The following CR1 variants were observed in gnomAD, a reference collection of about 807,000 sequenced individuals.
The protein encoded by CR1 is complement receptor type 1.
In CR1, 116 loss-of-function variants were observed where a neutral mutation model predicts 187.3. That is an observed-to-expected ratio of 0.62 (90% CI 0.53 to 0.72). CR1 has a LOEUF of 0.72. Ranked by LOEUF, CR1 falls within the 30% of genes least tolerant of loss-of-function variation. The pLI is 0.00. For synonymous variants in CR1, 576 were observed against 747.1 expected (o/e 0.77, Z 3.73); for missense variants, 1,731 against 2,110.7 (o/e 0.82, Z 3.52).
In CR1 at chr1:207,621,985, C is replaced by A; in HGVS notation, c.7265C>A (p.Ala2422Asp). The stretch of plus-strand genomic sequence containing the variant: ...GTCTTCCTTTTAGGTACACATGATG[C>A]TCTCATAGTTGGTAAGTTTTATGAA... ...LAKCTSRTHD[A>D]LIVGTLSGTI... is the part of the protein sequence containing the mutation. The change falls in exon 44 of 47, where the codon GCT (alanine) becomes GAT (aspartate). Residue 2422 changes from alanine to aspartate, a missense_variant. Physicochemically the swap from Ala to Asp is moderately radical, Grantham distance 126 (BLOSUM62 -2). This residue lies in a region of CR1 where 1,312 missense variants were observed against 1,379.6 expected (regional missense o/e 0.95). Transcript: ENST00000367049. 6.3e-7 allele frequency: 1 copy of A among 1,597,506 alleles called. No individual in the cohort carries two copies. The highest frequency in any genetic ancestry group is 1.3e-5 in the African/African-American group (1 of 74,830).
In CR1 at chr1:207,526,806, G is replaced by A. The variant is rs761207372; in HGVS notation, c.940G>A (p.Asp314Asn). 6.0e-6 allele frequency: 9 copies of A among 1,499,264 alleles called. 1 individual carries two copies. The highest frequency in any genetic ancestry group is 8.0e-6 in the Non-Finnish European group (9 of 1,131,066). 92.9% of individuals were successfully genotyped at this position (1,499,264 alleles called of 1,614,324 possible). A position where few individuals can be genotyped will look rare whatever the true frequency, so the allele number is the denominator to read the frequency against. ...LHAERTQRDKDNFSPGQEVFY... is the reference protein window; with the variant it reads ...LHAERTQRDKNNFSPGQEVFY... ...TGCTGAGCGTACCCAAAGGGACAAGGACAACTTTTCACCTGGGCAGGAAGT... is the reference window on the plus strand; with the variant it reads ...TGCTGAGCGTACCCAAAGGGACAAGAACAACTTTTCACCTGGGCAGGAAGT... The change falls in exon 6 of 47, where the codon GAC (aspartate) becomes AAC (asparagine). Residue 314 changes from aspartate to asparagine, a missense_variant. Transcript: ENST00000367049.
chr1:207,521,069 G>A (rs1404526309), intron 4 of CR1, among the ~76,000 whole-genome samples: 4 of 147,088 alleles, frequency 2.7e-5, no homozygotes, highest in South Asian at 2.2e-4. Context: ...CTCCGCCTCC[G>A]GGGTTCAAGT....
chr1:207,595,629 A>G (rs114144376), intron 35 of CR1, among the ~76,000 whole-genome samples: 2 of 151,936 alleles, frequency 1.3e-5, no homozygotes, highest in Non-Finnish European at 2.9e-5. Context: ...GCACAGATGC[A>G]TCGTCTTAAA....
chr1:207,524,094 G>A, intron 5 of CR1, 85 bp downstream of exon 5: 1 of 1,610,970 alleles, frequency 6.2e-7, no homozygotes, highest in Non-Finnish European at 8.5e-7. Flanking sequence ...TCAGGGGGAG[G>A]GATGTGTGCT....
chr1:207,583,775 A>C (rs1661029615), intron 32 of CR1, among the ~76,000 whole-genome samples: 1 of 152,238 alleles, frequency 6.6e-6, no homozygotes, highest in African/African-American at 2.4e-5. Flanking sequence ...ATAGTTAAGA[A>C]GTATGAAAGA....
intron 28 of CR1, among the ~76,000 whole-genome samples, chr1:207,576,210 T>A (rs1401032933): frequency 2.0e-5 from 3 of 152,204 alleles, no homozygotes; most frequent in Admixed American, 6.5e-5. Context: ...ATGTGTATAA[T>A]CCTGGGTTTA....
chr1:207,567,582 G>A (rs185077956), intron 24 of CR1, among the ~76,000 whole-genome samples: 2 of 150,370 alleles, frequency 1.3e-5, no homozygotes, highest in Admixed American at 6.6e-5. Context: ...CTTCATTAAA[G>A]TTGTAAAGTT....
chr1:207,577,887 G>T lies in CR1; in HGVS notation c.4620G>T (p.Val1540=), dbSNP rs530118972. Residue 1540 remains valine (V), a synonymous_variant, in exon 29 of 47, where the codon GTG becomes GTT. Transcript: ENST00000367049. ...GAGAGAATTTTCACTATGGATCAGT[G>T]GTGACCTACCGCTGCAATCTTGGAA... ...TNRENFHYGS[V]VTYRCNLGSR... 2 of 1,613,538 alleles carry T rather than the reference G, an allele frequency of 1.2e-6. No individual in the cohort carries two copies. Among genetic ancestry groups the T allele is most frequent in the East Asian group, 2.2e-5 (1 of 44,886 alleles).
At position 207,632,797 on chromosome 1, in the gene CR1, C is replaced by CAAAAAAAAAAAAAA. The variant is rs55649027; in HGVS notation, c.7457+2191_7457+2204dup. 1.9e-4 allele frequency among the ~76,000 whole-genome samples: 20 copies of CAAAAAAAAAAAAAA among 107,638 alleles called. 1 individual carries two copies. Among genetic ancestry groups the CAAAAAAAAAAAAAA allele is most frequent in the African/African-American group, 7.5e-4 (17 of 22,608 alleles). The allele number at this position is 107,638 out of a possible 152,430, so 70.6% of individuals were successfully genotyped here. On this transcript the variant is annotated intron_variant, in intron 46 of 46. Coordinates refer to ENST00000367049, the MANE Select transcript of CR1 (RefSeq NM_000651.6). Reference sequence around the variant, plus strand: ...TGGGTGACAGAGCAAGACTCCGTCTCAAAAAAAAAAAAAAAAAAAAAAAAA... The same window carrying CAAAAAAAAAAAAAA: ...TGGGTGACAGAGCAAGACTCCGTCTCAAAAAAAAAAAAAAAAAAAAAAAAAAAAAAAAAAAAAAA...
At chr1:207,512,746 T>C (rs1289424621) in intron 4 of CR1, among the ~76,000 whole-genome samples, 1 of 152,186 alleles carries the variant, frequency 6.6e-6, no homozygotes, top group Non-Finnish European at 1.5e-5. Flanking sequence ...TTGAAATCTG[T>C]AATAAACATG....
At position 207,583,244 on chromosome 1, in the gene CR1, A is replaced by G. The variant is rs72737293; in HGVS notation, c.5302+1241A>G. ...ATTATTTTAAGGGATTAGACTAATC[A>G]ACTGTGTCAAATTCTATAGAGAGGT... is the stretch of plus-strand genomic sequence containing the variant. On this transcript the variant is annotated intron_variant, in intron 32 of 46. Coordinates refer to ENST00000367049, the MANE Select transcript of CR1 (RefSeq NM_000651.6). Among the ~76,000 whole-genome samples the G allele has an allele frequency of 1.5e-3, 236 of 152,354 alleles. 1 individual carries two copies. Among genetic ancestry groups the G allele is most frequent in the Admixed American group, 2.5e-3 (38 of 15,302 alleles).
At chr1:207,604,702 G>A (rs551905540) in intron 35 of CR1, among the ~76,000 whole-genome samples, 5 of 152,260 alleles carry the variant, frequency 3.3e-5, no homozygotes, top group African/African-American at 1.2e-4. Flanking sequence ...CATTTTAAAT[G>A]CATTTTAACA....
intron 46 of CR1, among the ~76,000 whole-genome samples, chr1:207,631,409 A>G (rs1272129102): frequency 1.3e-5 from 2 of 152,178 alleles, no homozygotes; most frequent in African/African-American, 2.4e-5. Context: ...CTTTTATACT[A>G]CAACAGCAGA....
At chr1:207,632,195 C>G (rs1428034852) in intron 46 of CR1, among the ~76,000 whole-genome samples, 1 of 152,124 alleles carries the variant, frequency 6.6e-6, no homozygotes, top group Non-Finnish European at 1.5e-5. Context: ...TTTATGAAAA[C>G]AAATGAAATA....
chr1:207,503,547 AC>A (rs1334005493), intron 1 of CR1, among the ~76,000 whole-genome samples: 1 of 151,808 alleles, frequency 6.6e-6, no homozygotes, highest in Non-Finnish European at 1.5e-5. Context: ...TCCTTCCTCT[AC>A]CTTCCAAACC....
chr1:207,580,304 A>T lies in CR1; in HGVS notation c.5001A>T (p.Ser1667=). The part of the protein sequence containing the change: ...EHTPSHQDNF[S]PGQEVFYSCE... ...CCCCAAGCCATCAGGACAACTTTTC[A>T]CCTGGGCAGGAAGTGTTCTACAGCT... is the stretch of plus-strand genomic sequence containing the variant. Residue 1667 remains serine (S), a synonymous_variant, in exon 30 of 47, where the codon TCA becomes TCT. Transcript: ENST00000367049. The T allele has an allele frequency of 1.2e-6, 2 of 1,613,740 alleles. No homozygotes were observed. Among genetic ancestry groups the T allele is most frequent in the Non-Finnish European group, 1.7e-6 (2 of 1,179,824 alleles).
intron 28 of CR1, 140 bp from the exon 29 acceptor site, chr1:207,577,665 G>A (rs1660794923): frequency 7.5e-7 from 1 of 1,329,690 alleles, no homozygotes; most frequent in Admixed American, 2.1e-5. Flanking sequence ...AGCTACTCGG[G>A]AGGTTGAGGT....
rs780442691 is a variant in CR1 at position 207,611,800 on chromosome 1, C to G, written c.6419C>G (p.Ser2140Cys). 84 of 1,613,910 alleles carry G rather than the reference C, an allele frequency of 5.2e-5. No individual in the cohort carries two copies. The highest frequency in any genetic ancestry group is 6.7e-5 in the Non-Finnish European group (79 of 1,179,916). The change falls in exon 38 of 47, where the codon TCT becomes TGT. Residue 2140 changes from serine (S) to cysteine (C), a missense_variant. Ser to Cys is a moderately radical substitution (Grantham distance 112). Transcript: ENST00000367049. Reference sequence around the variant, plus strand: ...AGCTATGACCTCAGAGGGGCTGCGTCTCTGCACTGCACGCCCCAGGGAGAC... The same window carrying G: ...AGCTATGACCTCAGAGGGGCTGCGTGTCTGCACTGCACGCCCCAGGGAGAC... Reference protein sequence around the residue: ...EPSYDLRGAASLHCTPQGDWS... With the variant: ...EPSYDLRGAACLHCTPQGDWS...
At chr1:207,577,536 G>A (rs901406409) in intron 28 of CR1, among the ~76,000 whole-genome samples, 2 of 152,142 alleles carry the variant, frequency 1.3e-5, no homozygotes, top group Admixed American at 6.5e-5. Context: ...TTGAAAGGCC[G>A]AGGCAGGCGG....
Sources: gnomAD v4.1 joint callset for allele counts (sites outside exome capture counted in the v4.1 genomes callset) on GRCh38, gnomAD v4.1.1 for gene constraint, gnomAD v4.1.1 regional missense constraint, MANE v1.5 for transcripts, NCBI Gene and HGNC (gene_info 2026-07-23, HGNC 2026-07-21) for gene names.